Variants in TBC1D22A observed in about 807,000 individuals in gnomAD.
TBC1D22A encodes putative GTPase activator.
Under a neutral mutation model 60.2 loss-of-function variants are expected in TBC1D22A, and 38 were observed. The observed-to-expected ratio is 0.63, with a 90% CI of 0.49 to 0.83. The LOEUF is 0.83. Ranked by LOEUF, TBC1D22A falls within the 40% of genes least tolerant of loss-of-function variation. The pLI, the probability that TBC1D22A is intolerant of heterozygous loss-of-function variation, is 0.00. For missense variants in TBC1D22A, 628 were observed against 701.0 expected (o/e 0.90, Z 1.18); for synonymous variants, 302 against 281.7 (o/e 1.07, Z -0.72).
In TBC1D22A at chr22:46,963,786, GAC is replaced by G. The variant is rs906536413; in HGVS notation, c.1016-10500_1016-10499del. On this transcript the variant is annotated intron_variant, in intron 8 of 12. Transcript: ENST00000337137. Reference sequence around the variant, plus strand: ...GGCCTCCAAGCTGTATATTGGGGAGGACACAGTGTGGCTGGTGCCGTGGGCAA... The same window carrying G: ...GGCCTCCAAGCTGTATATTGGGGAGGACAGTGTGGCTGGTGCCGTGGGCAA... Among the ~76,000 whole-genome samples the G allele has an allele frequency of 4.9e-4, 75 of 152,222 alleles. 1 individual carries two copies. The highest frequency in any genetic ancestry group is 3.2e-3 in the Middle Eastern group (1 of 316).
In TBC1D22A at chr22:47,140,395, T is replaced by TA. The variant is rs2067035209; in HGVS notation, c.1425+28797dup. Among the ~76,000 whole-genome samples the TA allele has an allele frequency of 2.6e-5, 4 of 151,644 alleles. No individual in the cohort carries two copies. In the South Asian group the frequency reaches 8.3e-4, roughly 32 times the overall value. On this transcript the variant is annotated intron_variant, in intron 12 of 12. Transcript: ENST00000337137. ...GACCACAGTGAAACCCCGTCTCTAC[T>TA]AAAAATACAAAAAATTAGCCGGGTG...
rs1037723128 is a variant in TBC1D22A at position 46,822,321 on chromosome 22, C to T, written c.637+24701C>T. ...GATCATTTGGAGGAGATGAGGCACTCTGGCCTTTTGGGTTTTCAGCATTTT... is the reference window on the plus strand; with the variant it reads ...GATCATTTGGAGGAGATGAGGCACTTTGGCCTTTTGGGTTTTCAGCATTTT... On this transcript the variant is annotated intron_variant, in intron 4 of 12. Coordinates refer to ENST00000337137, the MANE Select transcript of TBC1D22A (RefSeq NM_014346.5). 6.0e-4 allele frequency among the ~76,000 whole-genome samples: 91 copies of T among 151,970 alleles called. 1 individual carries two copies. Among genetic ancestry groups the T allele is most frequent in the Non-Finnish European group, 1.0e-3 (69 of 68,020 alleles).
intron 11 of TBC1D22A, among the ~76,000 whole-genome samples, chr22:47,085,165 C>T (rs2064627064): frequency 6.6e-6 from 1 of 152,026 alleles, no homozygotes; most frequent in Admixed American, 6.5e-5. Context: ...CCTGTAATTC[C>T]AGCAACACAG....
At chr22:46,902,746 A>C (rs192840749) in intron 7 of TBC1D22A, among the ~76,000 whole-genome samples, 2 of 151,164 alleles carry the variant, frequency 1.3e-5, no homozygotes, top group Non-Finnish European at 2.9e-5. Flanking sequence ...TTTGACACAC[A>C]AAGTTGTAAT....
rs374351171 is a variant in TBC1D22A, at chr22:47,064,215, G to C, written c.1329+27017G>C. Among the ~76,000 whole-genome samples the C allele has an allele frequency of 2.1e-3, 314 of 152,370 alleles. 6 individuals carry two copies. In the South Asian group the frequency reaches 0.054, roughly 26 times the overall value. ...CGCTGCCGGCACCCGTGCTCTCTCTGTGGTGAACTGGCCCTCCTCTCCCGC... is the reference window on the plus strand; with the variant it reads ...CGCTGCCGGCACCCGTGCTCTCTCTCTGGTGAACTGGCCCTCCTCTCCCGC... On this transcript the variant is annotated intron_variant, in intron 11 of 12. Transcript: ENST00000337137.
chr22:46,998,241 G>A (rs2075186576), intron 10 of TBC1D22A, among the ~76,000 whole-genome samples: 2 of 152,054 alleles, frequency 1.3e-5, no homozygotes, highest in African/African-American at 4.8e-5. Context: ...AATCCCCCCT[G>A]CGATGTGCTG....
chr22:47,112,420 C>T (rs555999585), intron 12 of TBC1D22A, among the ~76,000 whole-genome samples: 68 of 152,344 alleles, frequency 4.5e-4, no homozygotes, highest in South Asian at 2.1e-3. Context: ...TCGAGGCTCT[C>T]GTCTCTCAGA....
At chr22:46,916,905 G>T (rs1440318186) in intron 8 of TBC1D22A, among the ~76,000 whole-genome samples, 1 of 152,248 alleles carries the variant, frequency 6.6e-6, no homozygotes, top group African/African-American at 2.4e-5. Flanking sequence ...AGTTCTCTAT[G>T]CCAGGAAGGT....
rs1313303440 is a variant in TBC1D22A, at chr22:47,028,490, C to T, written c.1202-8581C>T. On this transcript the variant is annotated intron_variant, in intron 10 of 12. Transcript: ENST00000337137. This position sits in a 1 kb window ranked among gnomAD's most constrained non-coding sequence, Gnocchi z 4.4. ...GGCCCAGGTTCTGAGAGCGAGTGGTCGCATTCCTGTCCCTCGGTCCCTGTC... is the reference window on the plus strand; with the variant it reads ...GGCCCAGGTTCTGAGAGCGAGTGGTTGCATTCCTGTCCCTCGGTCCCTGTC... 7.1e-6 allele frequency among the ~76,000 whole-genome samples: 1 copy of T among 141,500 alleles called. No homozygotes were observed. Among genetic ancestry groups the T allele is most frequent in the East Asian group, 2.1e-4 (1 of 4,866 alleles). 92.8% of individuals were successfully genotyped at this position (141,500 alleles called of 152,430 possible). A position where few individuals can be genotyped will look rare whatever the true frequency, so the allele number is the denominator to read the frequency against.
chr22:46,831,090 G>C (rs1379569531), intron 4 of TBC1D22A, among the ~76,000 whole-genome samples: 2 of 152,194 alleles, frequency 1.3e-5, no homozygotes, highest in Non-Finnish European at 2.9e-5. Flanking sequence ...GAAGGCATTT[G>C]ATGTTGGCCA....
At chr22:47,083,209 G>C (rs901222091) in intron 11 of TBC1D22A, among the ~76,000 whole-genome samples, 1 of 140,576 alleles carries the variant, frequency 7.1e-6, no homozygotes, top group Non-Finnish European at 1.5e-5. Context: ...TATATATCTT[G>C]ATAGGGATGT....
At chr22:47,031,636 A>G (rs1456260099) in intron 10 of TBC1D22A, among the ~76,000 whole-genome samples, 2 of 151,710 alleles carry the variant, frequency 1.3e-5, no homozygotes, top group African/African-American at 4.8e-5. Context: ...GGGTCGTTTC[A>G]AGGGGACAGA....
At chr22:47,152,053 C>CA (rs2067525585) in intron 12 of TBC1D22A, among the ~76,000 whole-genome samples, 1 of 152,186 alleles carries the variant, frequency 6.6e-6, no homozygotes, top group Non-Finnish European at 1.5e-5. Context: ...GGCTGTCTGC[C>CA]TGCCTGGACC....
intron 4 of TBC1D22A, among the ~76,000 whole-genome samples, chr22:46,863,709 T>G (rs1328620832): frequency 6.6e-6 from 1 of 152,220 alleles, no homozygotes; most frequent in Non-Finnish European, 1.5e-5. Flanking sequence ...AACAAAAGCA[T>G]TTCCGTCATT....
At chr22:46,771,795 A>C (rs1048163171) in intron 1 of TBC1D22A, among the ~76,000 whole-genome samples, 1 of 151,904 alleles carries the variant, frequency 6.6e-6, no homozygotes, top group East Asian at 1.9e-4. Context: ...GGGTTTCACC[A>C]TGTTGGCCAG....
intron 9 of TBC1D22A, among the ~76,000 whole-genome samples, chr22:46,977,129 A>G (rs2074330382): frequency 6.6e-6 from 1 of 152,156 alleles, no homozygotes; most frequent in African/African-American, 2.4e-5. Context: ...ATTAAAACCC[A>G]CGTTGACGGC....
intron 9 of TBC1D22A, among the ~76,000 whole-genome samples, chr22:46,993,106 G>A (rs897542624): frequency 1.3e-5 from 2 of 152,190 alleles, no homozygotes; most frequent in African/African-American, 4.8e-5. Context: ...TCCGTGAGCT[G>A]GCAGGTTTGA....
At position 47,037,254 on chromosome 22, in the gene TBC1D22A, C is replaced by T. The variant is rs542758026; in HGVS notation, c.1329+56C>T. The T allele has an allele frequency of 3.1e-6, 5 of 1,601,906 alleles. No homozygotes were observed. The East Asian group carries it at 9.0e-5, about 29-fold the overall frequency. ...GGGTGCCAGGAGCCCGGGCCGTTTC[C>T]TGTCGCCTTCTGCCCTGGGCCTGTG... is the stretch of plus-strand genomic sequence containing the variant. On this transcript the variant is annotated intron_variant, in intron 11 of 12. Transcript: ENST00000337137.
In TBC1D22A at chr22:46,914,090, T is replaced by A. The variant is rs1329947944; in HGVS notation, c.1015+1902T>A. Reference sequence around the variant, plus strand: ...GGGTATACGGTGTCACTTTTGAACATCTGTGTAAAACATACCATTTATTTC... The same window carrying A: ...GGGTATACGGTGTCACTTTTGAACAACTGTGTAAAACATACCATTTATTTC... On this transcript the variant is annotated intron_variant, in intron 8 of 12. Coordinates refer to ENST00000337137, the MANE Select transcript of TBC1D22A (RefSeq NM_014346.5). 2.0e-5 allele frequency: 3 copies of A among 152,254 alleles called. No homozygotes were observed. In the East Asian group the frequency reaches 5.8e-4, roughly 29 times the overall value. The allele number at this position is 152,254 out of a possible 1,614,324, so 9.4% of individuals were successfully genotyped here.
Sources: allele counts gnomAD v4.1 joint callset (sites outside exome capture counted in the v4.1 genomes callset), GRCh38; gene constraint gnomAD v4.1.1; non-coding constraint Gnocchi (gnomAD v3.1); transcripts MANE v1.5; gene names NCBI Gene and HGNC (gene_info 2026-07-23, HGNC 2026-07-21).